MEGF6: variants seen among roughly 807,000 people sequenced by gnomAD.
MEGF6 encodes the protein multiple epidermal growth factor-like domains protein 6.
In MEGF6, 184 loss-of-function variants were observed where a neutral mutation model predicts 207.1. The observed-to-expected ratio is 0.89, with a 90% CI of 0.79 to 1.00. The LOEUF (loss-of-function observed/expected upper bound fraction) is 1.00. Ranked by LOEUF, MEGF6 falls within the 50% of genes least tolerant of loss-of-function variation. MEGF6 has a pLI of 0.00. For synonymous variants in MEGF6, 1,038 were observed against 910.0 expected, an observed-to-expected ratio of 1.14 and a Z score of -2.53; for missense variants, 2,282 against 2,202.9, an observed-to-expected ratio of 1.04 and a Z score of -0.72.
chr1:3,570,937 G>A (rs1157960761), intron 4 of MEGF6, among the ~76,000 whole-genome samples: 2 of 152,158 alleles, frequency 1.3e-5, no homozygotes, highest in Non-Finnish European at 2.9e-5. Context: ...AGGGCCCCAG[G>A]GAGGCTGTGG....
Position 3,510,766 on chromosome 1 carries a change from G to A in MEGF6, c.1234+17C>T. ...TCCCAGGCCACCCCAGCTGTGCAGT[G>A]GCAGGGCAGTGCTCACCCTCACAGC... On this transcript the variant is annotated intron_variant, in intron 10 of 36. Transcript: ENST00000356575. 6.3e-7 allele frequency: 1 copy of A among 1,590,470 alleles called. No individual in the cohort carries two copies.
chr1:3,497,332 A>G lies in MEGF6; in HGVS notation c.3382T>C (p.Cys1128Arg). ...PCLRGWFGEA[C>R]AQRCSCPPGA... The stretch of plus-strand genomic sequence containing the variant: ...GGCGGGCAGCTGCAGCGCTGGGCAC[A>G]GGCCTCTCCAAACCAGCCCCGCAGG... Residue 1128 changes from cysteine to arginine, a missense_variant, in exon 27 of 37, where the codon TGT (cysteine) becomes CGT (arginine). Cys to Arg is a radical substitution (Grantham distance 180). Transcript: ENST00000356575. The G allele has an allele frequency of 6.4e-7, 1 of 1,552,542 alleles. No individual in the cohort carries two copies. The highest frequency in any genetic ancestry group is 1.4e-5 in the African/African-American group (1 of 72,154).
At chr1:3,623,633 G>A in the MEGF6 span, 8 of 152,216 alleles carry the variant, frequency 5.3e-5, no homozygotes, top group South Asian at 2.1e-4. Context: ...TGCAACATGC[G>A]TCTGGGCACA....
In MEGF6 at chr1:3,506,172, C is replaced by T; in HGVS notation, c.1854G>A (p.Arg618=). The change falls in exon 15 of 37, where the codon CGG becomes CGA. Residue 618 remains arginine (R), a synonymous_variant. Transcript: ENST00000356575. ...RKKCNCANRG[R]CHRLYGACLC... ...GGCAGGCCCCGTAGAGGCGGTGGCA[C>T]CGGCCCCGGTTGGCACAGTTGCATT... The T allele has an allele frequency of 6.3e-7, 1 of 1,595,804 alleles. No individual in the cohort carries two copies.
intron 4 of MEGF6, among the ~76,000 whole-genome samples, chr1:3,544,552 G>A (rs975675949): frequency 6.6e-6 from 1 of 152,190 alleles, no homozygotes; most frequent in Non-Finnish European, 1.5e-5. Flanking sequence ...AGGGGCTGCT[G>A]GAACAGGCCC....
At chr1:3,585,332 C>T (rs1181598804) in intron 3 of MEGF6, among the ~76,000 whole-genome samples, 48 of 132,742 alleles carry the variant, frequency 3.6e-4, no homozygotes, top group Non-Finnish European at 6.0e-4. Context: ...GAATGAGTGA[C>T]ACATGTCCTA....
chr1:3,495,575 C>G (rs972295332), intron 30 of MEGF6, among the ~76,000 whole-genome samples: 1 of 152,222 alleles, frequency 6.6e-6, no homozygotes, highest in Non-Finnish European at 1.5e-5. Flanking sequence ...AGGGGCCAGG[C>G]AGGCGCTGGG....
chr1:3,592,984 G>A (rs867144882), intron 3 of MEGF6, among the ~76,000 whole-genome samples: 24 of 152,084 alleles, frequency 1.6e-4, no homozygotes, highest in African/African-American at 5.5e-4. Context: ...CCCGGGGAGG[G>A]TCTCAGCCAA....
In MEGF6 at chr1:3,555,402, G is replaced by A. The variant is rs140844934; in HGVS notation, c.481+24423C>T. On this transcript the variant is annotated intron_variant, in intron 4 of 36. Transcript: ENST00000356575. ...GCTGGGTGTGGCTGACCCCCAAGCC[G>A]CTCTGGGCCTCCACCACCCATGTCC... 3.1e-3 allele frequency among the ~76,000 whole-genome samples: 466 copies of A among 152,302 alleles called. 2 individuals are homozygous for A. Among genetic ancestry groups the A allele is most frequent in the African/African-American group, 0.01 (434 of 41,560 alleles).
chr1:3,509,934 G>T lies in MEGF6; in HGVS notation c.1293C>A (p.Ala431=). The T allele has an allele frequency of 6.3e-7, 1 of 1,575,702 alleles. No individual in the cohort carries two copies. The highest frequency in any genetic ancestry group is 8.6e-7 in the Non-Finnish European group (1 of 1,164,570). ...CCTCGCAGGAGCACTGGAAGGAGCC[G>T]GCCAGGTTGGTGCAGTGGTGCTCGC... The part of the protein sequence containing the change: ...GGCEHHCTNL[A]GSFQCSCEAG... The change falls in exon 11 of 37, where the codon GCC becomes GCA. Residue 431 remains alanine (A), a synonymous_variant. Transcript: ENST00000356575.
intron 4 of MEGF6, among the ~76,000 whole-genome samples, chr1:3,545,312 C>T (rs891334400): frequency 6.6e-6 from 1 of 152,316 alleles, no homozygotes; most frequent in African/African-American, 2.4e-5. Flanking sequence ...CCTGACACCT[C>T]AGTCCCTGCC....
chr1:3,492,675 A>T lies in MEGF6; in HGVS notation c.4480T>A (p.Cys1494Ser), dbSNP rs1182730398. Residue 1494 changes from cysteine to serine, a missense_variant, in exon 35 of 37, where the codon TGT becomes AGT. Coordinates refer to ENST00000356575, the MANE Select transcript of MEGF6 (RefSeq NM_001409.4). ...GTGGGCCCCATGTAGCCATCCACAC[A>T]GTGACACTGCCCACTGACAGGGTCG... ...DCDPVSGQCHCVDGYMGPTCR... is the reference protein window; with the variant it reads ...DCDPVSGQCHSVDGYMGPTCR... 6.2e-7 allele frequency: 1 copy of T among 1,612,498 alleles called. No individual in the cohort carries two copies. The highest frequency in any genetic ancestry group is 8.5e-7 in the Non-Finnish European group (1 of 1,179,860).
intron 3 of MEGF6, among the ~76,000 whole-genome samples, chr1:3,583,323 C>T (rs1476777449): frequency 1.5e-4 from 21 of 135,958 alleles, no homozygotes; most frequent in African/African-American, 7.4e-4. Context: ...CCAGACAACC[C>T]ACAGCCACCA....
chr1:3,548,569 C>T (rs1642788971), intron 4 of MEGF6, among the ~76,000 whole-genome samples: 1 of 152,250 alleles, frequency 6.6e-6, no homozygotes, highest in African/African-American at 2.4e-5. Flanking sequence ...GACAGACTGC[C>T]CTGGCAGGCA....
intron 4 of MEGF6, 23 bp from the exon 5 acceptor site, chr1:3,524,269 C>T: frequency 6.3e-7 from 1 of 1,599,684 alleles, no homozygotes; most frequent in Non-Finnish European, 8.6e-7. Flanking sequence ...GGGGAAGGAT[C>T]AGCAGCTGGG....
intron 4 of MEGF6, among the ~76,000 whole-genome samples, chr1:3,576,059 A>G: frequency 6.6e-6 from 1 of 152,242 alleles, no homozygotes; most frequent in East Asian, 1.9e-4. Context: ...TCACACAGGC[A>G]CAGGCCTGGG....
chr1:3,572,092 T>A (rs1249992778), intron 4 of MEGF6, among the ~76,000 whole-genome samples: 1 of 146,014 alleles, frequency 6.8e-6, no homozygotes, highest in Non-Finnish European at 1.5e-5. Context: ...TGCTGGGTCC[T>A]CCCGGGTGTG....
chr1:3,499,537 A>G, intron 23 of MEGF6, 51 bp downstream of exon 23: 1 of 1,545,362 alleles, frequency 6.5e-7, no homozygotes. Context: ...CCTACGGAGG[A>G]CCTGGCACCC....
At chr1:3,539,249 G>T (rs550842108) in intron 4 of MEGF6, among the ~76,000 whole-genome samples, 53 of 152,252 alleles carry the variant, frequency 3.5e-4, no homozygotes, top group Non-Finnish European at 6.0e-4. Flanking sequence ...CAGGGGCCAG[G>T]GACACAGGCA....
Sources: allele counts gnomAD v4.1 joint callset (sites outside exome capture counted in the v4.1 genomes callset), GRCh38; gene constraint gnomAD v4.1.1; transcripts MANE v1.5; gene names NCBI Gene and HGNC (gene_info 2026-07-23, HGNC 2026-07-21).